The following SPIRE2 variants were observed in gnomAD, a reference collection of about 807,000 sequenced individuals.
The protein encoded by SPIRE2 is spire type actin nucleation factor 2, also known as protein spire homolog 2.
A neutral mutation model predicts 80.7 loss-of-function variants in SPIRE2; 76 were observed. The observed-to-expected ratio is 0.94, with a 90% confidence interval of 0.78 to 1.14. The LOEUF (loss-of-function observed/expected upper bound fraction) is 1.14, where lower values mean the gene tolerates loss of function less well. SPIRE2 is among the 50% of genes most tolerant of loss of function. SPIRE2 has a pLI of 0.00. For missense variants in SPIRE2, 1,196 were observed against 1,015.3 expected (o/e 1.18, Z -2.42); for synonymous variants, 535 against 432.6 (o/e 1.24, Z -2.94).
intron 13 of SPIRE2, 143 bp from the exon 14 acceptor site, chr16:89,869,424 G>A (rs1407937344): frequency 3.2e-6 from 2 of 621,338 alleles, no homozygotes; most frequent in Non-Finnish European, 5.8e-6. Flanking sequence ...GGAGACATCG[G>A]AGAGCACAGG....
chr16:89,830,042 C>A (rs2041364405), intron 1 of SPIRE2, among the ~76,000 whole-genome samples: 1 of 151,238 alleles, frequency 6.6e-6, no homozygotes, highest in African/African-American at 2.4e-5. Flanking sequence ...GTTCGTCTGA[C>A]CCTCTGACTG....
chr16:89,856,901 A>C (rs942355581), intron 7 of SPIRE2, among the ~76,000 whole-genome samples: 1 of 151,674 alleles, frequency 6.6e-6, no homozygotes, highest in Non-Finnish European at 1.5e-5. Context: ...TCTCTGCCAA[A>C]AATTTCAAAG....
chr16:89,838,526 G>A (rs1211203204), intron 1 of SPIRE2, among the ~76,000 whole-genome samples: 2 of 151,994 alleles, frequency 1.3e-5, no homozygotes, highest in Non-Finnish European at 2.9e-5. Flanking sequence ...TTTCATCAGC[G>A]GGAACCAGGG....
chr16:89,837,575 GAC>G (rs2041462154), intron 1 of SPIRE2, among the ~76,000 whole-genome samples: 1 of 152,186 alleles, frequency 6.6e-6, no homozygotes, highest in African/African-American at 2.4e-5. Flanking sequence ...CTCAAGACTT[GAC>G]ACACGCCAGG....
intron 2 of SPIRE2, among the ~76,000 whole-genome samples, chr16:89,848,547 G>A (rs549171321): frequency 8.2e-5 from 12 of 145,996 alleles, no homozygotes; most frequent in Middle Eastern, 3.4e-3. Flanking sequence ...CAGGACAGAC[G>A]AGGCAGGTTC....
At chr16:89,845,052 TCCACAAGCTGA>T (rs1283638609) in intron 1 of SPIRE2, among the ~76,000 whole-genome samples, 4 of 152,206 alleles carry the variant, frequency 2.6e-5, no homozygotes, top group Admixed American at 1.3e-4. Context: ...TGGGGGTCTG[TCCACAAGCTGA>T]CCATCATCCT....
rs199923417 is a variant in SPIRE2 at position 89,860,801 on chromosome 16, T to C, written c.1575+6T>C. On this transcript the variant is annotated splice_donor_region_variant and intron_variant, in intron 10 of 14. Coordinates refer to ENST00000378247, the MANE Select transcript of SPIRE2 (RefSeq NM_032451.2). ...ATGCCAAACACCTGTGGCTGGTGAG[T>C]GAGGGTGCGATTGTCGTCCAGGGCG... is the stretch of plus-strand genomic sequence containing the variant. The C allele has an allele frequency of 2.6e-4, 384 of 1,476,820 alleles. 1 individual carries two copies. In the African/African-American group the frequency reaches 4.7e-3, roughly 18 times the overall value. 91.5% of individuals were successfully genotyped at this position (1,476,820 alleles called of 1,614,324 possible). A position where few individuals can be genotyped will look rare whatever the true frequency, so the allele number is the denominator to read the frequency against.
At position 89,863,476 on chromosome 16, in the gene SPIRE2, G is replaced by C. The variant is rs1249777058; in HGVS notation, c.1576G>C (p.Glu526Gln). The stretch of plus-strand genomic sequence containing the variant: ...CTTCCTACCTGAGGCCGTCCCCTAG[G>C]AGTTCAGCCACCCCGTGGAGAGCCT... Reference protein sequence around the residue: ...MTPDAKHLWLEFSHPVESLAL... With the variant: ...MTPDAKHLWLQFSHPVESLAL... The change falls in exon 11 of 15, where the codon GAG becomes CAG. Residue 526 changes from glutamate to glutamine, a missense_variant and splice_region_variant. Transcript: ENST00000378247. The surrounding 1 kb of genome is among the most constrained non-coding windows in gnomAD (Gnocchi z 4.3). 1 of 1,613,872 alleles carries C rather than the reference G, an allele frequency of 6.2e-7. No homozygotes were observed. Among genetic ancestry groups the C allele is most frequent in the Non-Finnish European group, 8.5e-7 (1 of 1,180,030 alleles).
Position 89,828,795 on chromosome 16 carries a change from G to T in SPIRE2, c.244+1G>T. On this transcript the variant is annotated splice_donor_variant, in intron 1 of 14. Coordinates refer to ENST00000378247, the MANE Select transcript of SPIRE2 (RefSeq NM_032451.2). LOFTEE classifies it high-confidence loss of function. This position sits in a 1 kb window ranked among gnomAD's most constrained non-coding sequence, Gnocchi z 5.9. ...GGGGCGCGGGAGCCCGAGGCCGCGG[G>T]TGAGGCCGGGGGCGGGGCAGCCGGC... The T allele has an allele frequency of 8.5e-7, 1 of 1,181,068 alleles. No individual in the cohort carries two copies. Among genetic ancestry groups the T allele is most frequent in the African/African-American group, 1.6e-5 (1 of 62,392 alleles). The allele number at this position is 1,181,068 out of a possible 1,614,324, so 73.2% of individuals were successfully genotyped here.
At chr16:89,830,198 G>C (rs1478223576) in intron 1 of SPIRE2, among the ~76,000 whole-genome samples, 7 of 151,148 alleles carry the variant, frequency 4.6e-5, no homozygotes, top group Non-Finnish European at 1.0e-4. Context: ...GCAGTGATCT[G>C]ATTCTCTCCA....
Position 89,845,343 on chromosome 16 carries a change from C to T in SPIRE2, c.266C>T (p.Pro89Leu). The T allele has an allele frequency of 6.2e-7, 1 of 1,614,170 alleles. No individual in the cohort carries two copies. Among genetic ancestry groups the T allele is most frequent in the South Asian group, 1.1e-5 (1 of 91,086 alleles). ...ACAGAACCTGCAACCATGGTCGTGC[C>T]ACTAGCCAGCTCGGAAGCCCAGGTA... ...EAAEPATMVV[P>L]LASSEAQTVQ... The change falls in exon 2 of 15, where the codon CCA becomes CTA. Residue 89 changes from proline to leucine, a missense_variant. Transcript: ENST00000378247.
chr16:89,851,294 C>A (rs1274756590), intron 3 of SPIRE2, among the ~76,000 whole-genome samples: 1 of 152,196 alleles, frequency 6.6e-6, no homozygotes, highest in African/African-American at 2.4e-5. Flanking sequence ...CCTCTCCAGG[C>A]CCTGGTTCCT....
chr16:89,843,685 GTTT>G (rs2041526912), intron 1 of SPIRE2, among the ~76,000 whole-genome samples: 2 of 21,308 alleles, frequency 9.4e-5, no homozygotes, highest in Non-Finnish European at 1.5e-4. Flanking sequence ...TTTTTTGTTT[GTTT>G]TTGTTTTTTG....
intron 2 of SPIRE2, among the ~76,000 whole-genome samples, chr16:89,848,471 A>G (rs1337667714): frequency 6.6e-6 from 1 of 152,020 alleles, no homozygotes; most frequent in African/African-American, 2.4e-5. Flanking sequence ...GGCAGGTTCC[A>G]GGGCCTTCTG....
At chr16:89,831,501 C>G (rs2041381913) in intron 1 of SPIRE2, among the ~76,000 whole-genome samples, 1 of 149,618 alleles carries the variant, frequency 6.7e-6, no homozygotes. Context: ...GGGTTCACGC[C>G]ATTCTCCTGC....
Position 89,859,282 on chromosome 16 carries a change from C to A in SPIRE2, c.1390C>A (p.Pro464Thr). 1 of 1,604,516 alleles carries A rather than the reference C, an allele frequency of 6.2e-7. No homozygotes were observed. The highest frequency in any genetic ancestry group is 1.1e-5 in the South Asian group (1 of 90,720). The change falls in exon 9 of 15, where the codon CCA becomes ACA. Residue 464 changes from proline to threonine, a missense_variant. Coordinates refer to ENST00000378247, the MANE Select transcript of SPIRE2 (RefSeq NM_032451.2). The stretch of plus-strand genomic sequence containing the variant: ...TGGCCTGCAGTCGGCCACCCACCCC[C>A]CAGGAGGGACGGAGCCACCACGGCC... ...ASGLQSATHPPGGTEPPRPRA... is the reference protein window; with the variant it reads ...ASGLQSATHPTGGTEPPRPRA...
intron 5 of SPIRE2, among the ~76,000 whole-genome samples, chr16:89,854,923 G>C (rs1353829102): frequency 1.3e-5 from 2 of 148,556 alleles, no homozygotes; most frequent in African/African-American, 2.5e-5. Flanking sequence ...GAGGCCACAA[G>C]AGCCAAGGCT....
At chr16:89,843,866 T>C (rs56922193) in intron 1 of SPIRE2, among the ~76,000 whole-genome samples, 1 of 142,338 alleles carries the variant, frequency 7.0e-6, no homozygotes, top group African/African-American at 2.6e-5. Flanking sequence ...TGCCCAGCTA[T>C]TTTTATGTAT....
intron 2 of SPIRE2, chr16:89,849,787 T>G (rs2041603464): frequency 3.8e-6 from 1 of 263,500 alleles, no homozygotes; most frequent in Admixed American, 5.2e-5. Context: ...AAATGCTGAG[T>G]TAAGAGGTCG....
Sources: gnomAD v4.1 joint callset for allele counts (sites outside exome capture counted in the v4.1 genomes callset) on GRCh38, gnomAD v4.1.1 for gene constraint, Gnocchi (gnomAD v3.1) non-coding constraint, MANE v1.5 for transcripts, NCBI Gene and HGNC (gene_info 2026-07-23, HGNC 2026-07-21) for gene names.